The following FOXP1 variants were observed in gnomAD, a reference collection of about 807,000 sequenced individuals.
The protein encoded by FOXP1 is forkhead box protein P1.
FOXP1 carries 15 observed loss-of-function variants against 98.2 expected under a neutral mutation model. The observed-to-expected ratio is 0.15, with a 90% CI of 0.10 to 0.24. FOXP1 has a LOEUF of 0.24. FOXP1 is among the 10% of genes least tolerant of loss of function. FOXP1 has a pLI of 1.00. For synonymous variants in FOXP1, 371 were observed against 314.5 expected, an observed-to-expected ratio of 1.18 and a Z score of -1.90; for missense variants, 633 against 848.5, an observed-to-expected ratio of 0.75 and a Z score of 3.15.
intron 5 of FOXP1, among the ~76,000 whole-genome samples, chr3:71,272,799 A>G (rs966257268): frequency 6.6e-6 from 1 of 152,080 alleles, no homozygotes; most frequent in African/African-American, 2.4e-5. Flanking sequence ...TTTTGACTGG[A>G]AAGTCTTTCC....
chr3:71,390,026 A>G (rs1299140738), intron 3 of FOXP1, among the ~76,000 whole-genome samples: 1 of 152,138 alleles, frequency 6.6e-6, no homozygotes, highest in Non-Finnish European at 1.5e-5. Context: ...CTCAAATACT[A>G]TTTGCTTTCA....
At chr3:71,135,832 A>T (rs1300751318) in intron 6 of FOXP1, among the ~76,000 whole-genome samples, 1 of 152,160 alleles carries the variant, frequency 6.6e-6, no homozygotes, top group Non-Finnish European at 1.5e-5. Context: ...AACGGCAGCG[A>T]CCCACCCAAA....
chr3:70,955,461 C>T lies in FOXP1; in HGVS notation c.*3786G>A. 2 of 232,794 alleles carry T rather than the reference C, an allele frequency of 8.6e-6. No homozygotes were observed. The highest frequency in any genetic ancestry group is 1.7e-5 in the Non-Finnish European group (2 of 117,810). The allele number at this position is 232,794 out of a possible 1,614,324, so 14.4% of individuals were successfully genotyped here. A position where few individuals can be genotyped will look rare whatever the true frequency, so the allele number is the denominator to read the frequency against. ...TCTAGGGACAGGTAGGTTGGATCCT[C>T]ATTCCTGACAGTGCATTTGTCTGAC... is the stretch of plus-strand genomic sequence containing the variant. On this transcript the variant is annotated 3_prime_UTR_variant, in exon 21 of 21. Transcript: ENST00000649528.
chr3:71,313,812 A>T (rs1018972118), intron 4 of FOXP1, among the ~76,000 whole-genome samples: 2 of 152,200 alleles, frequency 1.3e-5, no homozygotes, highest in Non-Finnish European at 2.9e-5. Context: ...GGCATGAGCC[A>T]CCGTGCCCGG....
intron 7 of FOXP1, among the ~76,000 whole-genome samples, chr3:71,104,842 T>A (rs1575710731): frequency 6.6e-6 from 1 of 152,216 alleles, no homozygotes; most frequent in South Asian, 2.1e-4. Context: ...GACTGATACA[T>A]CTTTCTGTCA....
intron 6 of FOXP1, among the ~76,000 whole-genome samples, chr3:71,183,948 T>G (rs2062488801): frequency 6.6e-6 from 1 of 152,156 alleles, no homozygotes; most frequent in Non-Finnish European, 1.5e-5. Flanking sequence ...AGGTTGGGAC[T>G]TCGAGACCAG....
intron 5 of FOXP1, among the ~76,000 whole-genome samples, chr3:71,202,999 ACT>A (rs2063768833): frequency 6.6e-6 from 1 of 152,138 alleles, no homozygotes. Context: ...GGAATAACTA[ACT>A]CTATAACTAA....
chr3:71,576,879 T>C (rs2047759985), intron 2 of FOXP1, among the ~76,000 whole-genome samples: 1 of 152,164 alleles, frequency 6.6e-6, no homozygotes, highest in South Asian at 2.1e-4. Context: ...AGCGGCTGGC[T>C]AGATAGGAAA....
chr3:71,233,424 G>C (rs1415919439), intron 5 of FOXP1, among the ~76,000 whole-genome samples: 2 of 151,322 alleles, frequency 1.3e-5, no homozygotes, highest in African/African-American at 4.9e-5. Flanking sequence ...GTTTTTTTTT[G>C]TTTTTGTTTT....
chr3:71,568,704 T>C (rs980628328), intron 2 of FOXP1, among the ~76,000 whole-genome samples: 2 of 152,076 alleles, frequency 1.3e-5, no homozygotes, highest in African/African-American at 4.8e-5. Flanking sequence ...TGGAGTGAAG[T>C]GGCGTGATCT....
chr3:71,149,813 C>T (rs916701318), intron 6 of FOXP1, among the ~76,000 whole-genome samples: 1 of 152,000 alleles, frequency 6.6e-6, no homozygotes, highest in African/African-American at 2.4e-5. Flanking sequence ...CTCTCCTCTC[C>T]CTTTTCTTAT....
At chr3:70,971,888 A>T in intron 18 of FOXP1, 2 of 664,810 alleles carry the variant, frequency 3.0e-6, no homozygotes, top group Non-Finnish European at 4.6e-6. Context: ...CACACAATTT[A>T]GTTTCGTTGC....
At chr3:71,526,260 C>G (rs1185683159) in intron 2 of FOXP1, among the ~76,000 whole-genome samples, 1 of 152,196 alleles carries the variant, frequency 6.6e-6, no homozygotes, top group African/African-American at 2.4e-5. Flanking sequence ...GGGCCAGCCC[C>G]TTCCTTCTGC....
chr3:71,164,287 C>T (rs1472090650), intron 6 of FOXP1, among the ~76,000 whole-genome samples: 1 of 152,098 alleles, frequency 6.6e-6, no homozygotes, highest in East Asian at 1.9e-4. Context: ...GCAAGCTCCG[C>T]CTCCCGGGTT....
intron 9 of FOXP1, among the ~76,000 whole-genome samples, chr3:71,049,128 T>A (rs766147804): frequency 1.2e-4 from 18 of 152,162 alleles, no homozygotes; most frequent in Non-Finnish European, 2.2e-4. Flanking sequence ...TGCAGTCCCC[T>A]CGGCAGGTCA....
In FOXP1 at chr3:71,193,734, C is replaced by A. The variant is rs145997072; in HGVS notation, c.180+4468G>T. Among the ~76,000 whole-genome samples the A allele has an allele frequency of 1.6e-4, 24 of 152,318 alleles. No individual in the cohort carries two copies. The East Asian group carries it at 4.6e-3, about 29-fold the overall frequency. On this transcript the variant is annotated intron_variant, in intron 6 of 20. Transcript: ENST00000649528. ...TAAGTGCTGGGATTACAGGCATGAG[C>A]CACCACAGACAGCCTCTACATCCCC...
chr3:71,077,064 C>T (rs1323417460), intron 7 of FOXP1, among the ~76,000 whole-genome samples: 1 of 152,226 alleles, frequency 6.6e-6, no homozygotes, highest in Admixed American at 6.5e-5. Context: ...AATAATATCA[C>T]ATCAGACATA....
intron 3 of FOXP1, among the ~76,000 whole-genome samples, chr3:71,403,605 T>C (rs1439744845): frequency 6.6e-6 from 1 of 152,182 alleles, no homozygotes; most frequent in Non-Finnish European, 1.5e-5. Context: ...TCCCAATACT[T>C]TGGGAGGCCA....
At chr3:71,337,530 C>T (rs973892024) in intron 4 of FOXP1, among the ~76,000 whole-genome samples, 1 of 152,094 alleles carries the variant, frequency 6.6e-6, no homozygotes, top group Admixed American at 6.5e-5. Context: ...AAAGTGCAGG[C>T]CCCCAAATAC....
Sources: allele counts gnomAD v4.1 joint callset (sites outside exome capture counted in the v4.1 genomes callset), GRCh38; gene constraint gnomAD v4.1.1; transcripts MANE v1.5; gene names NCBI Gene and HGNC (gene_info 2026-07-23, HGNC 2026-07-21).